The following DOCK2 variants were observed in gnomAD, a reference collection of about 807,000 sequenced individuals.
DOCK2 encodes the protein dedicator of cytokinesis 2.
A neutral mutation model predicts 248.9 loss-of-function variants in DOCK2; 87 were observed. The observed-to-expected ratio is 0.35, with a 90% CI of 0.29 to 0.42. DOCK2 has a LOEUF of 0.42. DOCK2 is among the 10% of genes least tolerant of loss of function. The pLI is 1.00. For missense variants in DOCK2, 1,747 were observed against 2,300.2 expected, an observed-to-expected ratio of 0.76 and a Z score of 4.92; for synonymous variants, 805 against 821.6, an observed-to-expected ratio of 0.98 and a Z score of 0.35.
chr5:169,670,689 G>C lies in DOCK2; in HGVS notation c.224+92G>C, dbSNP rs1371687501. On this transcript the variant is annotated intron_variant, in intron 4 of 51. Coordinates refer to ENST00000520908, the MANE Select transcript of DOCK2 (RefSeq NM_004946.3). ...TGAAAATCTGACTTGGAAGAGCTGA[G>C]GGTTGCTCAGCTTATCTTCTTTGTG... is the stretch of plus-strand genomic sequence containing the variant. The C allele has an allele frequency of 2.0e-6, 3 of 1,470,992 alleles. No homozygotes were observed. The Admixed American group carries it at 6.0e-5, about 29-fold the overall frequency. 91.1% of individuals were successfully genotyped at this position (1,470,992 alleles called of 1,614,324 possible).
At chr5:169,743,843 TTAAGAC>T (rs1763460429) in intron 22 of DOCK2, among the ~76,000 whole-genome samples, 1 of 148,276 alleles carries the variant, frequency 6.7e-6, no homozygotes, top group African/African-American at 2.4e-5. Flanking sequence ...TATTTATATT[TTAAGAC>T]ATATAGATAA....
intron 27 of DOCK2, among the ~76,000 whole-genome samples, chr5:169,919,528 C>T (rs1367012424): frequency 1.3e-5 from 2 of 152,196 alleles, no homozygotes; most frequent in Non-Finnish European, 2.9e-5. Context: ...TTTGTTTTGA[C>T]CTTAATTCTC....
At chr5:169,728,904 G>C (rs568665206) in intron 22 of DOCK2, among the ~76,000 whole-genome samples, 1 of 152,194 alleles carries the variant, frequency 6.6e-6, no homozygotes, top group Non-Finnish European at 1.5e-5. Context: ...ATCCTGTGCT[G>C]TAGACAATTA....
At chr5:169,912,824 T>C (rs1011165589) in intron 27 of DOCK2, among the ~76,000 whole-genome samples, 1 of 152,156 alleles carries the variant, frequency 6.6e-6, no homozygotes, top group Non-Finnish European at 1.5e-5. Flanking sequence ...GAGATTTTTT[T>C]TTTCTAGGAG....
intron 27 of DOCK2, among the ~76,000 whole-genome samples, chr5:169,979,807 T>C (rs1777876769): frequency 6.6e-6 from 1 of 152,202 alleles, no homozygotes; most frequent in African/African-American, 2.4e-5. Flanking sequence ...GTAATTTTGA[T>C]TGATCAGTGA....
intron 25 of DOCK2, among the ~76,000 whole-genome samples, chr5:169,790,427 G>A (rs141458182): frequency 1.8e-4 from 28 of 152,286 alleles, no homozygotes; most frequent in Non-Finnish European, 3.4e-4. Flanking sequence ...CCCTCCATTA[G>A]TCTGTCCACA....
chr5:169,720,666 A>G (rs1048655357), intron 22 of DOCK2, among the ~76,000 whole-genome samples: 8 of 152,180 alleles, frequency 5.3e-5, no homozygotes, highest in African/African-American at 1.9e-4. Context: ...TTCCTACTGG[A>G]AGGCACATGG....
At chr5:169,970,154 G>A (rs918286249) in intron 27 of DOCK2, among the ~76,000 whole-genome samples, 1 of 152,170 alleles carries the variant, frequency 6.6e-6, no homozygotes, top group East Asian at 1.9e-4. Flanking sequence ...GTGATCAATC[G>A]TTTGGTTTTT....
chr5:169,846,101 G>C (rs1770283248), intron 27 of DOCK2, among the ~76,000 whole-genome samples: 1 of 152,010 alleles, frequency 6.6e-6, no homozygotes, highest in Non-Finnish European at 1.5e-5. Context: ...TGATTTTTTT[G>C]GTTAGTTTCC....
intron 27 of DOCK2, among the ~76,000 whole-genome samples, chr5:169,970,555 C>T (rs1452087119): frequency 6.6e-6 from 1 of 152,180 alleles, no homozygotes; most frequent in African/African-American, 2.4e-5. Flanking sequence ...GGAAACCACC[C>T]AACCTCTCTG....
rs1467956730 is a variant in DOCK2, at chr5:169,885,020, C to T, written c.2799+44168C>T. 2.0e-5 allele frequency among the ~76,000 whole-genome samples: 3 copies of T among 152,206 alleles called. No individual in the cohort carries two copies. In the East Asian group the frequency reaches 5.8e-4, roughly 29 times the overall value. On this transcript the variant is annotated intron_variant, in intron 27 of 51. Coordinates refer to ENST00000520908, the MANE Select transcript of DOCK2 (RefSeq NM_004946.3). ...GGAACAAAATGCCTGTCTGCCTGGA[C>T]CCTTTTCTCTCTCCATTTCTGCACA...
chr5:169,757,323 A>C (rs1156375526), intron 23 of DOCK2, among the ~76,000 whole-genome samples: 1 of 151,918 alleles, frequency 6.6e-6, no homozygotes, highest in African/African-American at 2.4e-5. Context: ...GGAATGTCAT[A>C]ATGCTTCTTA....
At chr5:169,672,622 G>A (rs985194332) in intron 5 of DOCK2, among the ~76,000 whole-genome samples, 1 of 152,050 alleles carries the variant, frequency 6.6e-6, no homozygotes, top group South Asian at 2.1e-4. Flanking sequence ...GTTCAACGCT[G>A]ACTACCCAGG....
At chr5:169,784,594 A>C (rs1441809397) in intron 25 of DOCK2, among the ~76,000 whole-genome samples, 1 of 152,208 alleles carries the variant, frequency 6.6e-6, no homozygotes. Flanking sequence ...ATTCCTTTTC[A>C]ATCTTTCTGA....
chr5:169,804,170 C>A (rs896502980), intron 26 of DOCK2, among the ~76,000 whole-genome samples: 2 of 152,166 alleles, frequency 1.3e-5, no homozygotes, highest in Non-Finnish European at 2.9e-5. Flanking sequence ...GAGCAATGTT[C>A]CTTTACTGGT....
At chr5:169,870,397 T>C (rs1401330282) in intron 27 of DOCK2, among the ~76,000 whole-genome samples, 2 of 151,796 alleles carry the variant, frequency 1.3e-5, no homozygotes, top group Non-Finnish European at 2.9e-5. Flanking sequence ...TAGCAAAAAA[T>C]AGATAAGCTC....
intron 5 of DOCK2, 123 bp downstream of exon 5, chr5:169,671,297 C>A: frequency 1.3e-6 from 1 of 754,310 alleles, no homozygotes; most frequent in Non-Finnish European, 2.2e-6. Context: ...GCAGAGCGCA[C>A]ACTATTACGT....
chr5:169,711,878 G>A, intron 15 of DOCK2, 57 bp from the exon 16 acceptor site: 1 of 1,586,416 alleles, frequency 6.3e-7, no homozygotes, highest in Non-Finnish European at 8.6e-7. Flanking sequence ...GTAGGGGGGT[G>A]CAGTGGGGAG....
At chr5:169,639,446 G>A (rs1007003808) in intron 1 of DOCK2, among the ~76,000 whole-genome samples, 6 of 152,176 alleles carry the variant, frequency 3.9e-5, no homozygotes, top group African/African-American at 1.4e-4. Flanking sequence ...TAACCAAGCT[G>A]CAAGTTTATT....
Sources: gnomAD v4.1 joint callset for allele counts (sites outside exome capture counted in the v4.1 genomes callset) on GRCh38, gnomAD v4.1.1 for gene constraint, MANE v1.5 for transcripts, NCBI Gene and HGNC (gene_info 2026-07-23, HGNC 2026-07-21) for gene names.